PLCL1: variants seen among roughly 807,000 people sequenced by gnomAD.
PLCL1 encodes the protein inactive phospholipase C-like protein 1.
Under a neutral mutation model 84.4 loss-of-function variants are expected in PLCL1, and 41 were observed. The ratio of observed to expected loss-of-function variants is 0.49; its 90% CI spans 0.38 to 0.63. The LOEUF (loss-of-function observed/expected upper bound fraction) is 0.63, where lower values mean the gene tolerates loss of function less well. Among genes scored for constraint, PLCL1 ranks in the 30% least tolerant of loss-of-function variants. The pLI is 0.00. For missense variants in PLCL1, 1,206 were observed against 1,367.8 expected (o/e 0.88, Z 1.87); for synonymous variants, 490 against 488.3 (o/e 1.00, Z -0.05).
intron 1 of PLCL1, among the ~76,000 whole-genome samples, chr2:198,082,024 T>A (rs1194727119): frequency 6.6e-6 from 1 of 152,178 alleles, no homozygotes; most frequent in African/African-American, 2.4e-5. Flanking sequence ...CAGGAATGAA[T>A]TAACTTCTAT....
intron 3 of PLCL1, among the ~76,000 whole-genome samples, chr2:198,091,137 C>T (rs1474405670): frequency 6.6e-6 from 1 of 151,988 alleles, no homozygotes; most frequent in African/African-American, 2.4e-5. Flanking sequence ...ATCCTTATAC[C>T]ACATGGTAAA....
At chr2:198,043,568 A>G (rs1331849303) in intron 1 of PLCL1, among the ~76,000 whole-genome samples, 1 of 152,212 alleles carries the variant, frequency 6.6e-6, no homozygotes, top group South Asian at 2.1e-4. Flanking sequence ...AGGCAGGACC[A>G]TAGCGGAGAA....
chr2:198,129,322 A>T (rs1694067065), intron 5 of PLCL1, among the ~76,000 whole-genome samples: 1 of 152,134 alleles, frequency 6.6e-6, no homozygotes, highest in African/African-American at 2.4e-5. Flanking sequence ...CTTCATCTAC[A>T]TAATAAGACC....
At chr2:198,090,445 G>A (rs999363041) in intron 3 of PLCL1, among the ~76,000 whole-genome samples, 1 of 151,608 alleles carries the variant, frequency 6.6e-6, no homozygotes, top group African/African-American at 2.4e-5. Flanking sequence ...TTTTATAATT[G>A]CATAAAATAA....
chr2:198,140,618 CA>C (rs1410959643), intron 5 of PLCL1, among the ~76,000 whole-genome samples: 2 of 152,154 alleles, frequency 1.3e-5, no homozygotes, highest in African/African-American at 4.8e-5. Context: ...AAATTTCTTT[CA>C]AATTTAATTT....
chr2:197,823,891 C>T (rs1474923576), intron 1 of PLCL1, among the ~76,000 whole-genome samples: 1 of 152,106 alleles, frequency 6.6e-6, no homozygotes, highest in African/African-American at 2.4e-5. Flanking sequence ...TCTTTCTTGA[C>T]AAACAAAAGC....
intron 1 of PLCL1, among the ~76,000 whole-genome samples, chr2:197,984,793 T>G (rs1226334413): frequency 1.3e-5 from 2 of 152,230 alleles, no homozygotes; most frequent in Non-Finnish European, 2.9e-5. Context: ...CTTCGTTGGC[T>G]TCTACAAAAG....
chr2:197,845,414 T>A (rs907997408), intron 1 of PLCL1, among the ~76,000 whole-genome samples: 14 of 152,032 alleles, frequency 9.2e-5, no homozygotes, highest in African/African-American at 3.1e-4. Flanking sequence ...ACGAGATAAT[T>A]GGCATAGAAA....
chr2:198,085,811 G>T lies in PLCL1; in HGVS notation c.2294G>T (p.Arg765Ile), dbSNP rs752449027. 4.3e-6 allele frequency: 7 copies of T among 1,614,120 alleles called. No individual in the cohort carries two copies. The Admixed American group carries it at 1.0e-4, about 23-fold the overall frequency. Residue 765 changes from arginine (R) to isoleucine (I), a missense_variant, in exon 2 of 6, where the codon AGA becomes ATA. Physicochemically the swap from Arg to Ile is moderately conservative, Grantham distance 97 (BLOSUM62 -3). Coordinates refer to ENST00000428675, the MANE Select transcript of PLCL1 (RefSeq NM_006226.4). This position sits in a 1 kb window ranked among gnomAD's most constrained non-coding sequence, Gnocchi z 5.3. The part of the protein sequence containing the change: ...HGIPADCSEQ[R>I]TKTVQQNSDN... ...ATTCCAGCGGATTGTTCGGAACAAA[G>T]AACTAAAACTGTACAGCAAAACAGT...
chr2:197,902,361 A>C (rs1260451632), intron 1 of PLCL1, among the ~76,000 whole-genome samples: 2 of 152,178 alleles, frequency 1.3e-5, no homozygotes, highest in Admixed American at 1.3e-4. Context: ...GTTTCCGGTC[A>C]TTCATGCTAC....
At chr2:198,047,928 A>G (rs938893749) in intron 1 of PLCL1, among the ~76,000 whole-genome samples, 5 of 152,230 alleles carry the variant, frequency 3.3e-5, no homozygotes, top group Admixed American at 3.3e-4. Context: ...TAACTCTTCC[A>G]TGCGAGTGGT....
chr2:198,121,163 T>C (rs1433489872), intron 5 of PLCL1, among the ~76,000 whole-genome samples: 1 of 152,112 alleles, frequency 6.6e-6, no homozygotes. Flanking sequence ...AATCAGATTA[T>C]TAGAGTTTTT....
chr2:197,856,167 T>G (rs1687326710), intron 1 of PLCL1, among the ~76,000 whole-genome samples: 1 of 152,224 alleles, frequency 6.6e-6, no homozygotes, highest in Admixed American at 6.5e-5. Context: ...AACACACATA[T>G]GCATAATATT....
intron 1 of PLCL1, among the ~76,000 whole-genome samples, chr2:197,896,110 A>T (rs1688128898): frequency 6.6e-6 from 1 of 152,048 alleles, no homozygotes; most frequent in Non-Finnish European, 1.5e-5. Context: ...TTGACCTAGT[A>T]GTCTCAGGCT....
At chr2:198,090,895 C>A (rs1368818244) in intron 3 of PLCL1, among the ~76,000 whole-genome samples, 1 of 152,224 alleles carries the variant, frequency 6.6e-6, no homozygotes, top group Non-Finnish European at 1.5e-5. Flanking sequence ...TGCCATTTCA[C>A]ACCCCCGAGT....
intron 3 of PLCL1, among the ~76,000 whole-genome samples, chr2:198,091,907 G>A (rs1019628004): frequency 6.7e-6 from 1 of 150,096 alleles, no homozygotes; most frequent in East Asian, 2.0e-4. Flanking sequence ...CTCCATCCTT[G>A]CCCAATCTCA....
intron 1 of PLCL1, among the ~76,000 whole-genome samples, chr2:197,832,028 C>A (rs1691078600): frequency 6.6e-6 from 1 of 152,128 alleles, no homozygotes; most frequent in Non-Finnish European, 1.5e-5. Flanking sequence ...AAACTTATAG[C>A]ACTAAATGCT....
chr2:198,104,361 G>A (rs1693418781), intron 5 of PLCL1, among the ~76,000 whole-genome samples: 1 of 151,974 alleles, frequency 6.6e-6, no homozygotes, highest in South Asian at 2.1e-4. Context: ...TTGCTGCAAA[G>A]GACATGATCT....
At chr2:198,037,141 A>G (rs1206531037) in intron 1 of PLCL1, among the ~76,000 whole-genome samples, 1 of 152,220 alleles carries the variant, frequency 6.6e-6, no homozygotes, top group African/African-American at 2.4e-5. Flanking sequence ...GAGAGAGTCC[A>G]TTTCTAAATT....
Sources: gnomAD v4.1 joint callset for allele counts (sites outside exome capture counted in the v4.1 genomes callset) on GRCh38, gnomAD v4.1.1 for gene constraint, Gnocchi (gnomAD v3.1) non-coding constraint, MANE v1.5 for transcripts, NCBI Gene and HGNC (gene_info 2026-07-23, HGNC 2026-07-21) for gene names.